NPAS3: variants seen among roughly 807,000 people sequenced by gnomAD.
NPAS3 encodes the protein neuronal PAS domain-containing protein 3.
NPAS3 carries 14 observed loss-of-function variants against 73.1 expected under a neutral mutation model. The ratio of observed to expected loss-of-function variants is 0.19; its 90% CI spans 0.13 to 0.30. The LOEUF is 0.30. Among genes scored for constraint, NPAS3 ranks in the 10% least tolerant of loss-of-function variants. The pLI is 1.00. For synonymous variants in NPAS3, 620 were observed against 541.5 expected, an observed-to-expected ratio of 1.14 and a Z score of -2.01; for missense variants, 1,096 against 1,250.0, an observed-to-expected ratio of 0.88 and a Z score of 1.86.
rs573100324 is a variant in NPAS3, at chr14:33,378,847, TTCTC to T, written c.468+11580_468+11583del. Reference sequence around the variant, plus strand: ...GGTATGGGAACATATCTGTGATTCTTTCTCAGGCGCTAAGAATGGCCAAATTATT... The same window carrying T: ...GGTATGGGAACATATCTGTGATTCTTAGGCGCTAAGAATGGCCAAATTATT... On this transcript the variant is annotated intron_variant, in intron 4 of 11. Coordinates refer to ENST00000356141, the Ensembl canonical transcript of NPAS3. Among the ~76,000 whole-genome samples the T allele has an allele frequency of 2.6e-3, 402 of 152,282 alleles. 1 individual carries two copies. Among genetic ancestry groups the T allele is most frequent in the Non-Finnish European group, 4.6e-3 (315 of 68,022 alleles).
upstream of NPAS3, among the ~76,000 whole-genome samples, chr14:32,936,930 C>CTTTTTTTTTTT (rs35877969): frequency 7.2e-6 from 1 of 139,778 alleles, no homozygotes; most frequent in Non-Finnish European, 1.5e-5. Flanking sequence ...AAGACTAAGG[C>CTTTTTTTTTTT]TTTTTTTTTT....
At chr14:33,139,943 A>ATTT (rs34900907) in intron 2 of NPAS3, among the ~76,000 whole-genome samples, 2,410 of 150,184 alleles carry the variant, frequency 0.016, 74 homozygotes, top group African/African-American at 0.056. Flanking sequence ...TGCCTGCATG[A>ATTT]TTTTTTTTTT....
intron 3 of NPAS3, among the ~76,000 whole-genome samples, chr14:33,328,434 T>G (rs2043809968): frequency 6.9e-6 from 1 of 145,038 alleles, no homozygotes. Flanking sequence ...ATCTTTCTTT[T>G]CCTTTTCTTT....
intron 1 of NPAS3, among the ~76,000 whole-genome samples, chr14:32,977,761 A>G (rs2037748005): frequency 6.6e-6 from 1 of 152,084 alleles, no homozygotes; most frequent in Admixed American, 6.6e-5. Context: ...CATTTGAAAA[A>G]CTTCAGCAGT....
intron 2 of NPAS3, among the ~76,000 whole-genome samples, chr14:33,183,262 C>G (rs939131485): frequency 6.6e-6 from 1 of 151,754 alleles, no homozygotes; most frequent in Non-Finnish European, 1.5e-5. Flanking sequence ...CCCGTCTCTA[C>G]GAAAAATAGA....
At chr14:33,488,033 G>A (rs1209781121) in intron 4 of NPAS3, among the ~76,000 whole-genome samples, 2 of 152,114 alleles carry the variant, frequency 1.3e-5, no homozygotes, top group African/African-American at 4.8e-5. Context: ...GGTGGTACAG[G>A]AGTTATGAAA....
At chr14:33,460,996 T>A (rs1302371890) in intron 4 of NPAS3, among the ~76,000 whole-genome samples, 1 of 152,226 alleles carries the variant, frequency 6.6e-6, no homozygotes, top group Non-Finnish European at 1.5e-5. Context: ...CAAGGACATT[T>A]TTGAACTGCT....
rs150325255 is a variant in NPAS3 at position 32,947,066 on chromosome 14, T to C, written c.50+7700T>C. On this transcript the variant is annotated intron_variant, in intron 1 of 11. Coordinates refer to ENST00000356141, the Ensembl canonical transcript of NPAS3. ...GCATTTTAAGACCACTTTATAAACT[T>C]ATAGGTCATTTCAATAATATTTCAT... Among the ~76,000 whole-genome samples the C allele has an allele frequency of 1.1e-3, 170 of 152,288 alleles. No individual in the cohort carries two copies. In the East Asian group the frequency reaches 0.014, roughly 13 times the overall value.
At chr14:33,551,104 A>C (rs1234900427) in intron 4 of NPAS3, among the ~76,000 whole-genome samples, 1 of 152,226 alleles carries the variant, frequency 6.6e-6, no homozygotes, top group African/African-American at 2.4e-5. Context: ...ATGGCCTATG[A>C]ATTATCCCCA....
At chr14:33,044,918 A>C (rs945639992) in intron 1 of NPAS3, among the ~76,000 whole-genome samples, 3 of 152,140 alleles carry the variant, frequency 2.0e-5, no homozygotes, top group Non-Finnish European at 2.9e-5. Flanking sequence ...GCCCAGTTGA[A>C]GGTGGCTCTG....
At chr14:33,354,507 C>T (rs2045241671) in intron 3 of NPAS3, among the ~76,000 whole-genome samples, 1 of 152,130 alleles carries the variant, frequency 6.6e-6, no homozygotes, top group Admixed American at 6.5e-5. Context: ...GTCCTCAGCC[C>T]ACCTCCCATT....
At chr14:32,987,970 G>T (rs946892440) in intron 1 of NPAS3, among the ~76,000 whole-genome samples, 2 of 151,900 alleles carry the variant, frequency 1.3e-5, no homozygotes, top group Non-Finnish European at 2.9e-5. Context: ...TTAACTATTG[G>T]TATCCTTATA....
At chr14:33,593,559 A>G (rs2139957735) in intron 5 of NPAS3, among the ~76,000 whole-genome samples, 1 of 152,332 alleles carries the variant, frequency 6.6e-6, no homozygotes, top group East Asian at 1.9e-4. Flanking sequence ...GCCAGCCCTG[A>G]GTCCATTCTC....
At chr14:33,093,137 A>G (rs1048139816) in intron 2 of NPAS3, among the ~76,000 whole-genome samples, 2 of 152,246 alleles carry the variant, frequency 1.3e-5, no homozygotes, top group African/African-American at 4.8e-5. Flanking sequence ...ATTAAACTAA[A>G]GAGCTTCTGC....
intron 1 of NPAS3, among the ~76,000 whole-genome samples, chr14:32,980,507 G>A (rs746542519): frequency 6.6e-6 from 1 of 152,090 alleles, no homozygotes; most frequent in Non-Finnish European, 1.5e-5. Context: ...ATAACAAAAG[G>A]GGATATTAAT....
At chr14:33,421,607 G>A (rs2139035376) in intron 4 of NPAS3, among the ~76,000 whole-genome samples, 1 of 151,732 alleles carries the variant, frequency 6.6e-6, no homozygotes. Flanking sequence ...ATTCAGATAT[G>A]TTTTGTCTTT....
At chr14:32,988,582 A>G (rs1180914455) in intron 1 of NPAS3, among the ~76,000 whole-genome samples, 2 of 152,230 alleles carry the variant, frequency 1.3e-5, no homozygotes. Context: ...TCTTGTATTT[A>G]TACAATACCT....
chr14:33,062,658 A>G (rs2041150115), intron 2 of NPAS3, among the ~76,000 whole-genome samples: 1 of 152,262 alleles, frequency 6.6e-6, no homozygotes, highest in Admixed American at 6.5e-5. Flanking sequence ...TGTGACCTCT[A>G]GAAACTTGAG....
intron 5 of NPAS3, among the ~76,000 whole-genome samples, chr14:33,599,100 A>G (rs865901281): frequency 2.0e-5 from 3 of 152,164 alleles, no homozygotes; most frequent in African/African-American, 7.2e-5. Flanking sequence ...CTATGGGAAG[A>G]ATCAACCCAC....
Sources: allele counts gnomAD v4.1 joint callset (sites outside exome capture counted in the v4.1 genomes callset), GRCh38; gene constraint gnomAD v4.1.1; transcripts MANE v1.5; gene names NCBI Gene and HGNC (gene_info 2026-07-23, HGNC 2026-07-21).